CELF4: variants seen among roughly 807,000 people sequenced by gnomAD.
The protein encoded by CELF4 is CUGBP Elav-like family member 4.
Under a neutral mutation model 59.9 loss-of-function variants are expected in CELF4, and 18 were observed. That is an observed-to-expected ratio of 0.30 (90% confidence interval 0.21 to 0.45). The LOEUF is 0.45. Among genes scored for constraint, CELF4 ranks in the 20% least tolerant of loss-of-function variants. The pLI is 1.00. For missense variants in CELF4, 456 were observed against 689.0 expected (o/e 0.66, Z 3.79); for synonymous variants, 261 against 267.1 (o/e 0.98, Z 0.22).
rs566533022 is a variant in CELF4 at position 37,253,748 on chromosome 18, C to T, written c.*44+19G>A. 1.9e-6 allele frequency: 3 copies of T among 1,545,546 alleles called. No individual in the cohort carries two copies. Among genetic ancestry groups the T allele is most frequent in the East Asian group, 2.4e-5 (1 of 40,856 alleles). ...TCCCTCCCAACCCCCGTCCCCGCGC[C>T]CCGGCCGCCCCCGGTTACCTGTGCG... On this transcript the variant is annotated intron_variant, in intron 12 of 12. Transcript: ENST00000420428. The surrounding 1 kb of genome is among the most constrained non-coding windows in gnomAD (Gnocchi z 4.5).
At chr18:37,283,914 T>TAC (rs113079117) in intron 3 of CELF4, among the ~76,000 whole-genome samples, 4 of 33,176 alleles carry the variant, frequency 1.2e-4, no homozygotes, top group South Asian at 2.2e-3. Flanking sequence ...AGTGGCAACA[T>TAC]ACACACACAC....
At chr18:37,372,221 G>A (rs1290354178) in intron 2 of CELF4, among the ~76,000 whole-genome samples, 1 of 152,140 alleles carries the variant, frequency 6.6e-6, no homozygotes, top group Non-Finnish European at 1.5e-5. Flanking sequence ...GCAAAGACTT[G>A]GAACCAACCC....
intron 1 of CELF4, among the ~76,000 whole-genome samples, chr18:37,558,548 A>G (rs1230188317): frequency 1.2e-5 from 1 of 85,690 alleles, no homozygotes; most frequent in African/African-American, 4.6e-5. Flanking sequence ...GGCTTCAGTG[A>G]AATTGTGGGG....
At chr18:37,436,039 A>G (rs1037584353) in intron 2 of CELF4, among the ~76,000 whole-genome samples, 11 of 152,140 alleles carry the variant, frequency 7.2e-5, no homozygotes, top group Admixed American at 6.5e-4. Flanking sequence ...AGCTGGAGGC[A>G]GCAGGAATGA....
At chr18:37,447,790 G>T (rs1415002857) in intron 2 of CELF4, among the ~76,000 whole-genome samples, 1 of 152,220 alleles carries the variant, frequency 6.6e-6, no homozygotes, top group African/African-American at 2.4e-5. Context: ...TTGACTGCCT[G>T]TCTTTTTGTG....
chr18:37,411,070 C>A (rs1425669012), intron 2 of CELF4, among the ~76,000 whole-genome samples: 2 of 152,158 alleles, frequency 1.3e-5, no homozygotes, highest in Non-Finnish European at 2.9e-5. Flanking sequence ...GATCCTCCCA[C>A]CTCAGCCTCC....
At chr18:37,251,025 G>A (rs947401600) in intron 12 of CELF4, among the ~76,000 whole-genome samples, 5 of 152,092 alleles carry the variant, frequency 3.3e-5, no homozygotes, top group African/African-American at 4.8e-5. Flanking sequence ...TGAGGGTAGG[G>A]TGGGGCTTCT....
intron 12 of CELF4, among the ~76,000 whole-genome samples, chr18:37,249,201 C>T (rs2063902091): frequency 6.6e-6 from 1 of 152,090 alleles, no homozygotes; most frequent in South Asian, 2.1e-4. Flanking sequence ...CTTCCAACTC[C>T]TCCCAGAAGC....
chr18:37,354,050 TG>T (rs2098518588), intron 2 of CELF4, among the ~76,000 whole-genome samples: 1 of 152,082 alleles, frequency 6.6e-6, no homozygotes, highest in Non-Finnish European at 1.5e-5. Flanking sequence ...CCACTGCGCC[TG>T]GCCTGTGGGG....
chr18:37,451,284 G>A (rs912427174), intron 2 of CELF4, among the ~76,000 whole-genome samples: 5 of 152,172 alleles, frequency 3.3e-5, no homozygotes, highest in African/African-American at 1.2e-4. Flanking sequence ...ACAGTGTGGT[G>A]TGGGCTGTGT....
At chr18:37,307,416 C>A (rs2096467483) in intron 3 of CELF4, among the ~76,000 whole-genome samples, 1 of 152,112 alleles carries the variant, frequency 6.6e-6, no homozygotes, top group African/African-American at 2.4e-5. Context: ...TGATAAATGC[C>A]AGGAAAACAG....
intron 10 of CELF4, 146 bp downstream of exon 10, chr18:37,264,528 C>G (rs2076469869): frequency 5.9e-6 from 4 of 672,674 alleles, no homozygotes; most frequent in Non-Finnish European, 7.9e-6. Flanking sequence ...CTCCTCACAG[C>G]ACTGCTGTCT....
intron 2 of CELF4, among the ~76,000 whole-genome samples, chr18:37,414,488 T>G (rs920790379): frequency 7.9e-6 from 1 of 126,952 alleles, no homozygotes; most frequent in African/African-American, 2.8e-5. Context: ...CTACTCATTT[T>G]TTTTCTTTTC....
intron 11 of CELF4, among the ~76,000 whole-genome samples, chr18:37,256,682 T>C (rs2069737741): frequency 6.6e-6 from 1 of 152,072 alleles, no homozygotes; most frequent in African/African-American, 2.4e-5. Flanking sequence ...CTTCCTGGGT[T>C]CAAGCAGTTC....
intron 2 of CELF4, among the ~76,000 whole-genome samples, chr18:37,424,583 G>T (rs2154594475): frequency 6.6e-6 from 1 of 152,210 alleles, no homozygotes. Context: ...TTGCATGCTG[G>T]TAACTGGGTT....
intron 2 of CELF4, among the ~76,000 whole-genome samples, chr18:37,333,758 G>A (rs374713935): frequency 7.0e-6 from 1 of 142,758 alleles, no homozygotes. Flanking sequence ...CCATCCATCC[G>A]TGCATCCATC....
chr18:37,292,031 C>T (rs1460450519), intron 3 of CELF4, among the ~76,000 whole-genome samples: 1 of 105,054 alleles, frequency 9.5e-6, no homozygotes, highest in East Asian at 2.8e-4. Flanking sequence ...GATTAGCACC[C>T]TTATAAAAAA....
At chr18:37,391,331 C>G (rs940047155) in intron 2 of CELF4, among the ~76,000 whole-genome samples, 5 of 152,230 alleles carry the variant, frequency 3.3e-5, no homozygotes, top group Non-Finnish European at 5.9e-5. Context: ...GGAGCAGCAC[C>G]CTTGCCCGTG....
chr18:37,548,969 A>G (rs887753310), intron 1 of CELF4, among the ~76,000 whole-genome samples: 3 of 152,186 alleles, frequency 2.0e-5, no homozygotes, highest in African/African-American at 7.2e-5. Flanking sequence ...GGGCCTGTGC[A>G]TGAGCCCCAG....
Sources: gnomAD v4.1 joint callset for allele counts (sites outside exome capture counted in the v4.1 genomes callset) on GRCh38, gnomAD v4.1.1 for gene constraint, Gnocchi (gnomAD v3.1) non-coding constraint, MANE v1.5 for transcripts, NCBI Gene and HGNC (gene_info 2026-07-23, HGNC 2026-07-21) for gene names.